Variants in PSME4 observed in about 807,000 individuals in gnomAD.
PSME4 encodes the protein proteasome activator subunit 4.
In PSME4, 89 loss-of-function variants were observed where a neutral mutation model predicts 253.9. The observed-to-expected ratio is 0.35, with a 90% CI of 0.30 to 0.42. The LOEUF is 0.42. Among genes scored for constraint, PSME4 ranks in the 10% least tolerant of loss-of-function variants. PSME4 has a pLI of 1.00. For missense variants in PSME4, 2,014 were observed against 2,195.2 expected (o/e 0.92, Z 1.65); for synonymous variants, 851 against 759.2 (o/e 1.12, Z -1.99).
chr2:53,890,023 T>G, intron 37 of PSME4, 81 bp downstream of exon 37: 140 of 1,065,004 alleles, frequency 1.3e-4, no homozygotes, highest in Middle Eastern at 2.0e-4. Flanking sequence ...AGAAGTGTTA[T>G]GAGATTTCAC....
At chr2:53,919,450 G>A (rs1668202557) in intron 19 of PSME4, among the ~76,000 whole-genome samples, 1 of 152,068 alleles carries the variant, frequency 6.6e-6, no homozygotes, top group Non-Finnish European at 1.5e-5. Context: ...ATTTAAACAG[G>A]CTCTAAGTAA....
intron 2 of PSME4, 100 bp downstream of exon 2, chr2:53,949,043 T>C: frequency 7.2e-7 from 1 of 1,393,506 alleles, no homozygotes; most frequent in Non-Finnish European, 9.4e-7. Flanking sequence ...AAATTGGCAA[T>C]TTGAGACTTG....
At chr2:53,887,541 C>T (rs1679696605) in intron 39 of PSME4, 74 bp from the exon 40 acceptor site, 4 of 1,329,100 alleles carry the variant, frequency 3.0e-6, no homozygotes. Flanking sequence ...AAGTTATGAC[C>T]CAATCAAAGT....
rs200511774 is a variant in PSME4 at position 53,869,342 on chromosome 2, A to G, written c.5263+34T>C. ...CCTGGTTAACCCTCATTAATTCCCAATAGGATACAGGTGTTTCCTACCAGC... is the reference window on the plus strand; with the variant it reads ...CCTGGTTAACCCTCATTAATTCCCAGTAGGATACAGGTGTTTCCTACCAGC... On this transcript the variant is annotated intron_variant, in intron 44 of 46. Transcript: ENST00000404125. The G allele has an allele frequency of 1.9e-4, 290 of 1,548,866 alleles. 2 individuals are homozygous for G. The highest frequency in any genetic ancestry group is 2.4e-5 in the South Asian group (2 of 83,780).
rs1327159065 is a variant in PSME4 at position 53,920,354 on chromosome 2, G to A, written c.2263-4C>T. 2 of 1,607,052 alleles carry A rather than the reference G, an allele frequency of 1.2e-6. No individual in the cohort carries two copies. The highest frequency in any genetic ancestry group is 1.7e-6 in the Non-Finnish European group (2 of 1,176,630). On this transcript the variant is annotated splice_polypyrimidine_tract_variant and splice_region_variant and intron_variant, in intron 18 of 46. Coordinates refer to ENST00000404125, the MANE Select transcript of PSME4 (RefSeq NM_014614.3). ...AGTCCCCGGGTTTGCCCCAGTCCTA[G>A]AAGAGAACAGCATCTACTCAGCAAG...
At chr2:53,918,406 T>C (rs1668152823) in intron 20 of PSME4, among the ~76,000 whole-genome samples, 1 of 152,172 alleles carries the variant, frequency 6.6e-6, no homozygotes, top group Non-Finnish European at 1.5e-5. Flanking sequence ...CAGGCTAGAG[T>C]GCAGCAGCAT....
intron 44 of PSME4, among the ~76,000 whole-genome samples, chr2:53,868,563 T>TG (rs1253194270): frequency 3.7e-5 from 3 of 81,800 alleles, no homozygotes; most frequent in African/African-American, 1.4e-4. Context: ...ATAATATATA[T>TG]AATATATATT....
At chr2:53,910,859 AAT>A (rs150429024) in intron 20 of PSME4, among the ~76,000 whole-genome samples, 359 of 152,350 alleles carry the variant, frequency 2.4e-3, no homozygotes, top group African/African-American at 8.2e-3. Flanking sequence ...TTTATTTCAA[AAT>A]ATGAGATTTA....
chr2:53,953,101 A>C (rs1168678741), intron 1 of PSME4, among the ~76,000 whole-genome samples: 1 of 152,224 alleles, frequency 6.6e-6, no homozygotes, highest in Non-Finnish European at 1.5e-5. Flanking sequence ...ACTCCTCAGA[A>C]AGCTTCTATT....
chr2:53,937,236 G>A (rs10188834), intron 5 of PSME4, among the ~76,000 whole-genome samples, 155 bp downstream of exon 5: 15,647 of 151,844 alleles, frequency 0.1, 1,211 homozygotes, highest in African/African-American at 0.22. Context: ...TCTTACAACC[G>A]TTTTAGCCTT....
chr2:53,922,037 T>C (rs1668349899), intron 17 of PSME4, among the ~76,000 whole-genome samples: 1 of 151,320 alleles, frequency 6.6e-6, no homozygotes, highest in African/African-American at 2.4e-5. Context: ...CCGGGCGTGG[T>C]GGCGGATGCC....
In PSME4 at chr2:53,866,197, A is replaced by T; in HGVS notation, c.5424T>A (p.Asn1808Lys). 1 of 1,614,032 alleles carries T rather than the reference A, an allele frequency of 6.2e-7. No homozygotes were observed. The highest frequency in any genetic ancestry group is 1.1e-5 in the South Asian group (1 of 91,048). The change falls in exon 46 of 47, where the codon AAT becomes AAA. Residue 1808 changes from asparagine (N) to lysine (K), a missense_variant. By Grantham distance (94) the Asn-to-Lys change is moderately conservative (BLOSUM62 0). Around this residue, in one of 4 missense-constraint regions of PSME4, gnomAD observed 403 missense variants for 556.1 expected, o/e 0.72. Transcript: ENST00000404125. ...AGTTGTCATGGTGAGTCCTTCGGAAATTGGATAAGGTTTTTTTTACAGTCA... is the reference window on the plus strand; with the variant it reads ...AGTTGTCATGGTGAGTCCTTCGGAATTTGGATAAGGTTTTTTTTACAGTCA... ...IEMTVKKTLS[N>K]FRRTHHDNWQ...
intron 34 of PSME4, among the ~76,000 whole-genome samples, chr2:53,894,563 C>G (rs1490650666): frequency 6.6e-6 from 1 of 152,212 alleles, no homozygotes; most frequent in Non-Finnish European, 1.5e-5. Flanking sequence ...TGTGCCATGG[C>G]TCCCAGCCAA....
At chr2:53,936,980 G>C (rs565451409) in intron 5 of PSME4, among the ~76,000 whole-genome samples, 153 bp from the exon 6 acceptor site, 1 of 151,966 alleles carries the variant, frequency 6.6e-6, no homozygotes, top group East Asian at 1.9e-4. Context: ...TAAAACAAAG[G>C]GGTATTTCTT....
chr2:53,962,032 C>T (rs937536955), intron 1 of PSME4, among the ~76,000 whole-genome samples: 12 of 152,150 alleles, frequency 7.9e-5, no homozygotes, highest in Non-Finnish European at 1.3e-4. Flanking sequence ...AAAACACCTT[C>T]AAATAAGGAA....
In PSME4 at chr2:53,947,917, G is replaced by A. The variant is rs572770923; in HGVS notation, c.500+504C>T. 4.0e-4 allele frequency among the ~76,000 whole-genome samples: 60 copies of A among 151,758 alleles called. 1 individual carries two copies. Among genetic ancestry groups the A allele is most frequent in the African/African-American group, 1.5e-3 (60 of 41,360 alleles). On this transcript the variant is annotated intron_variant, in intron 3 of 46. Coordinates refer to ENST00000404125, the MANE Select transcript of PSME4 (RefSeq NM_014614.3). The stretch of plus-strand genomic sequence containing the variant: ...TGTAATCCCAGCTGCTCGGGAGGCT[G>A]AGGAACGCGAATCACTTGAACCCGG...
intron 3 of PSME4, among the ~76,000 whole-genome samples, chr2:53,946,411 C>G (rs557224922): frequency 9.2e-5 from 14 of 152,146 alleles, no homozygotes; most frequent in South Asian, 4.1e-4. Context: ...AATAGTGAAG[C>G]CTGTCTATGG....
At chr2:53,916,126 A>C (rs1182453749) in intron 20 of PSME4, among the ~76,000 whole-genome samples, 4 of 151,774 alleles carry the variant, frequency 2.6e-5, no homozygotes, top group Admixed American at 1.3e-4. Flanking sequence ...GGATGCCTGT[A>C]ATCCCAGCTA....
chr2:53,870,909 T>G (rs1399391426), intron 43 of PSME4: 1 of 152,230 alleles, frequency 6.6e-6, no homozygotes, highest in African/African-American at 2.4e-5. Flanking sequence ...GTGCTGGGAT[T>G]ACAGGCGTAA....
Sources: gnomAD v4.1 joint callset for allele counts (sites outside exome capture counted in the v4.1 genomes callset) on GRCh38, gnomAD v4.1.1 for gene constraint, gnomAD v4.1.1 regional missense constraint, MANE v1.5 for transcripts, NCBI Gene and HGNC (gene_info 2026-07-23, HGNC 2026-07-21) for gene names.